KCNH8: variants seen among roughly 807,000 people sequenced by gnomAD.
KCNH8 encodes the protein potassium voltage-gated channel subfamily H member 8.
A neutral mutation model predicts 103.6 loss-of-function variants in KCNH8; 70 were observed. The ratio of observed to expected loss-of-function variants is 0.68; its 90% CI spans 0.56 to 0.82. The LOEUF (loss-of-function observed/expected upper bound fraction) is 0.82. Among genes scored for constraint, KCNH8 ranks in the 40% least tolerant of loss-of-function variants. The pLI, the probability that KCNH8 is intolerant of heterozygous loss-of-function variation, is 0.00. For synonymous variants in KCNH8, 498 were observed against 489.4 expected, an observed-to-expected ratio of 1.02 and a Z score of -0.23; for missense variants, 1,217 against 1,329.9, an observed-to-expected ratio of 0.92 and a Z score of 1.32.
chr3:19,324,099 TG>T (rs2065388347), intron 3 of KCNH8, among the ~76,000 whole-genome samples: 1 of 151,704 alleles, frequency 6.6e-6, no homozygotes, highest in Non-Finnish European at 1.5e-5. Flanking sequence ...GCTACCAGGG[TG>T]GGTAGAGAAA....
At chr3:19,269,871 C>G (rs561537492) in intron 2 of KCNH8, among the ~76,000 whole-genome samples, 4 of 152,244 alleles carry the variant, frequency 2.6e-5, no homozygotes, top group South Asian at 4.1e-4. Context: ...AAGAAAATGT[C>G]TAGCCTTTAT....
chr3:19,489,967 G>A (rs192861169), intron 11 of KCNH8, among the ~76,000 whole-genome samples: 20 of 152,304 alleles, frequency 1.3e-4, no homozygotes, highest in Admixed American at 5.9e-4. Context: ...GTCTTACCAA[G>A]TTTCAGATGT....
At chr3:19,381,496 G>A (rs1238922267) in intron 5 of KCNH8, among the ~76,000 whole-genome samples, 1 of 152,122 alleles carries the variant, frequency 6.6e-6, no homozygotes, top group Admixed American at 6.5e-5. Context: ...ACCTGAACAT[G>A]ACACAATTTA....
intron 3 of KCNH8, among the ~76,000 whole-genome samples, chr3:19,317,179 A>T (rs924357607): frequency 6.6e-6 from 1 of 151,942 alleles, no homozygotes; most frequent in Non-Finnish European, 1.5e-5. Context: ...ATTGGAGAAT[A>T]CTAGTGGGAA....
intron 11 of KCNH8, 119 bp downstream of exon 11, chr3:19,457,101 G>A (rs2067545021): frequency 1.7e-6 from 1 of 595,572 alleles, no homozygotes; most frequent in South Asian, 2.8e-5. Flanking sequence ...TCTAAGACGT[G>A]AATATTCAGC....
rs752490516 is a variant in KCNH8, at chr3:19,533,965, A to G, written c.3190A>G (p.Ser1064Gly). The change falls in exon 16 of 16, where the codon AGT (serine) becomes GGT (glycine). Residue 1064 changes from serine to glycine, a missense_variant. Ser to Gly is a moderately conservative substitution (Grantham distance 56). Coordinates refer to ENST00000328405, the MANE Select transcript of KCNH8 (RefSeq NM_144633.3). Reference sequence around the variant, plus strand: ...CAGTCAGGGAACTGTGAGTTCCTTCAGTCTGGAAAACTTACCAGGATCTTG... The same window carrying G: ...CAGTCAGGGAACTGTGAGTTCCTTCGGTCTGGAAAACTTACCAGGATCTTG... ...SFSQGTVSSF[S>G]LENLPGSWNQ... 4.3e-5 allele frequency: 70 copies of G among 1,614,042 alleles called. No homozygotes were observed. The highest frequency in any genetic ancestry group is 1.6e-4 in the Middle Eastern group (1 of 6,084).
At chr3:19,508,199 G>C (rs148183682) in intron 11 of KCNH8, among the ~76,000 whole-genome samples, 5 of 152,210 alleles carry the variant, frequency 3.3e-5, no homozygotes, top group African/African-American at 9.6e-5. Flanking sequence ...TTGGCCTGAA[G>C]TTTTCTGTTT....
intron 9 of KCNH8, 66 bp from the exon 10 acceptor site, chr3:19,451,089 T>G: frequency 1.3e-6 from 2 of 1,526,862 alleles, no homozygotes; most frequent in African/African-American, 2.7e-5. Context: ...CCCTGCTGTC[T>G]TGCAAAGTAA....
intron 3 of KCNH8, among the ~76,000 whole-genome samples, chr3:19,318,818 A>G (rs1285108562): frequency 6.6e-6 from 1 of 151,626 alleles, no homozygotes; most frequent in Non-Finnish European, 1.5e-5. Flanking sequence ...AACGTCTATT[A>G]CTTTATGATT....
intron 3 of KCNH8, among the ~76,000 whole-genome samples, chr3:19,290,200 A>G (rs1443554725): frequency 6.6e-6 from 1 of 152,130 alleles, no homozygotes. Context: ...AAACAGGGAC[A>G]ATTTGACTCC....
At position 19,438,368 on chromosome 3, in the gene KCNH8, G is replaced by C. The variant is rs368013774; in HGVS notation, c.1375+7G>C. The C allele has an allele frequency of 9.8e-5, 158 of 1,610,774 alleles. No homozygotes were observed. Among genetic ancestry groups the C allele is most frequent in the Middle Eastern group, 1.7e-4 (1 of 5,730 alleles). On this transcript the variant is annotated splice_region_variant and intron_variant, in intron 8 of 15. Coordinates refer to ENST00000328405, the MANE Select transcript of KCNH8 (RefSeq NM_144633.3). Reference sequence around the variant, plus strand: ...TGCACCATGCTGATTGGTGGTAAGAGAGCATCTTCTTTTATACTAAGAAGA... The same window carrying C: ...TGCACCATGCTGATTGGTGGTAAGACAGCATCTTCTTTTATACTAAGAAGA...
chr3:19,499,969 G>A (rs888911660), intron 11 of KCNH8, among the ~76,000 whole-genome samples: 4 of 152,202 alleles, frequency 2.6e-5, no homozygotes, highest in African/African-American at 9.6e-5. Context: ...TGGACTAAAT[G>A]CTCCAATTAA....
In KCNH8 at chr3:19,375,241, A is replaced by G. The variant is rs1381563363; in HGVS notation, c.812-15240A>G. 2.0e-5 allele frequency among the ~76,000 whole-genome samples: 3 copies of G among 151,816 alleles called. No individual in the cohort carries two copies. In the East Asian group the frequency reaches 5.8e-4, roughly 29 times the overall value. On this transcript the variant is annotated intron_variant, in intron 5 of 15. Coordinates refer to ENST00000328405, the MANE Select transcript of KCNH8 (RefSeq NM_144633.3). ...CATTCTCCCCATCACTTTCAGGTAC[A>G]CCAATCAGACGTAGATTTGGTCTTT...
At chr3:19,207,981 G>C (rs2063733724) in intron 1 of KCNH8, among the ~76,000 whole-genome samples, 1 of 151,766 alleles carries the variant, frequency 6.6e-6, no homozygotes, top group African/African-American at 2.4e-5. Flanking sequence ...TGTATTTCAG[G>C]GTGCTCAGTT....
At chr3:19,235,829 C>T (rs1344541240) in intron 1 of KCNH8, among the ~76,000 whole-genome samples, 1 of 152,114 alleles carries the variant, frequency 6.6e-6, no homozygotes, top group Non-Finnish European at 1.5e-5. Flanking sequence ...TTTTCTTAAG[C>T]AATTATTTTA....
At chr3:19,396,649 A>G (rs886429041) in intron 7 of KCNH8, among the ~76,000 whole-genome samples, 5 of 152,070 alleles carry the variant, frequency 3.3e-5, no homozygotes, top group Non-Finnish European at 7.4e-5. Flanking sequence ...AATAAGATCC[A>G]ATAAGAAAGA....
intron 7 of KCNH8, among the ~76,000 whole-genome samples, chr3:19,425,567 C>T (rs907380815): frequency 4.6e-5 from 7 of 152,054 alleles, no homozygotes; most frequent in Non-Finnish European, 8.8e-5. Context: ...ATGTTTTAGT[C>T]CCCTGGTTCA....
intron 5 of KCNH8, among the ~76,000 whole-genome samples, chr3:19,359,104 A>G (rs1259798846): frequency 1.3e-5 from 2 of 152,104 alleles, no homozygotes; most frequent in African/African-American, 4.8e-5. Flanking sequence ...GTGATAGTCA[A>G]TGGATTTTTT....
intron 1 of KCNH8, among the ~76,000 whole-genome samples, chr3:19,189,315 T>C (rs11927919): frequency 0.04 from 6,065 of 152,120 alleles, 432 homozygotes; most frequent in African/African-American, 0.14. Flanking sequence ...ATCTAACAAA[T>C]GTTTCATATG....
Sources: gnomAD v4.1 joint callset for allele counts (sites outside exome capture counted in the v4.1 genomes callset) on GRCh38, gnomAD v4.1.1 for gene constraint, MANE v1.5 for transcripts, NCBI Gene and HGNC (gene_info 2026-07-23, HGNC 2026-07-21) for gene names.